The following SSBP3 variants were observed in gnomAD, a reference collection of about 807,000 sequenced individuals.
The protein encoded by SSBP3 is single stranded DNA binding protein 3, also known as single-stranded DNA-binding protein 3.
A neutral mutation model predicts 69.6 loss-of-function variants in SSBP3; 5 were observed. That is an observed-to-expected ratio of 0.07 (90% confidence interval 0.04 to 0.15). The LOEUF is 0.15. Among genes scored for constraint, SSBP3 ranks in the 10% least tolerant of loss-of-function variants. The pLI is 1.00. For missense variants in SSBP3, 312 were observed against 534.0 expected (o/e 0.58, Z 4.10); for synonymous variants, 196 against 193.4 (o/e 1.01, Z -0.11).
At chr1:54,274,526 C>G (rs567434667) in intron 5 of SSBP3, among the ~76,000 whole-genome samples, 3 of 152,170 alleles carry the variant, frequency 2.0e-5, no homozygotes, top group Non-Finnish European at 4.4e-5. Flanking sequence ...GGCTTCTCAC[C>G]GTCACACCTG....
intron 5 of SSBP3, among the ~76,000 whole-genome samples, chr1:54,277,130 C>A (rs1645302497): frequency 6.6e-6 from 1 of 152,218 alleles, no homozygotes; most frequent in Admixed American, 6.5e-5. Flanking sequence ...GTGACTTCAT[C>A]TCCCCATCTA....
chr1:54,310,471 G>A (rs1645981302), intron 4 of SSBP3, among the ~76,000 whole-genome samples: 1 of 152,160 alleles, frequency 6.6e-6, no homozygotes, highest in African/African-American at 2.4e-5. Flanking sequence ...CACCTTCCCA[G>A]GGGTTAATTT....
chr1:54,256,946 G>A (rs61517970), intron 7 of SSBP3, among the ~76,000 whole-genome samples, 181 bp downstream of exon 7: 3,192 of 152,196 alleles, frequency 0.021, 115 homozygotes, highest in African/African-American at 0.073. Context: ...GTGAACTGCC[G>A]CACCATGGGC....
intron 4 of SSBP3, among the ~76,000 whole-genome samples, chr1:54,330,265 C>G (rs1395329976): frequency 6.6e-6 from 1 of 152,126 alleles, no homozygotes; most frequent in Non-Finnish European, 1.5e-5. Flanking sequence ...AGGACCAGCC[C>G]AAAGGGCACT....
intron 4 of SSBP3, among the ~76,000 whole-genome samples, chr1:54,316,655 AAAAATAAAATAAAT>A (rs1471419306): frequency 7.6e-5 from 4 of 52,320 alleles, no homozygotes; most frequent in Non-Finnish European, 1.2e-4. Flanking sequence ...CTCAAAAAAA[AAAAATAAAATAAAT>A]AAATAAATAA....
intron 4 of SSBP3, among the ~76,000 whole-genome samples, chr1:54,375,911 T>C (rs147452768): frequency 1.3e-5 from 2 of 151,076 alleles, no homozygotes; most frequent in African/African-American, 2.4e-5. Context: ...CACAAGGTGG[T>C]GCTGACCAGG....
intron 4 of SSBP3, among the ~76,000 whole-genome samples, chr1:54,335,061 G>A (rs778395808): frequency 1.3e-5 from 2 of 152,208 alleles, no homozygotes; most frequent in Non-Finnish European, 2.9e-5. Context: ...GCCTAGAGGA[G>A]CCAGGCTCTC....
chr1:54,243,246 G>A (rs754941892), exon 10 of SSBP3: 51 of 1,601,862 alleles, frequency 3.2e-5, no homozygotes, highest in Non-Finnish European at 4.0e-5. Flanking sequence ...TGTTAATCCC[G>A]GGCATGGCGG....
Position 54,405,996 on chromosome 1 carries a change from CT to C in SSBP3, c.12del (p.Gly5AlafsTer16). 1 of 1,486,174 alleles carries C rather than the reference CT, an allele frequency of 6.7e-7. No homozygotes were observed. The highest frequency in any genetic ancestry group is 9.0e-7 in the Non-Finnish European group (1 of 1,113,346). 92.1% of individuals were successfully genotyped at this position (1,486,174 alleles called of 1,614,324 possible). On this transcript the variant is annotated frameshift_variant, in exon 1 of 18. Transcript: ENST00000610401. LOFTEE classifies it high-confidence loss of function. ...TCCGAGGGCACCGCCGAGCCTTTGC[CT>C]TTGGCAAACATGGTTTGCAGGGAAG...
chr1:54,384,785 CAG>C (rs889692132), intron 4 of SSBP3, among the ~76,000 whole-genome samples: 1 of 152,206 alleles, frequency 6.6e-6, no homozygotes, highest in African/African-American at 2.4e-5. Flanking sequence ...TTTCAAAACA[CAG>C]AAATATTCCG....
rs1253567754 is a variant in SSBP3, at chr1:54,402,085, A to G, written c.192-140T>C. On this transcript the variant is annotated intron_variant, in intron 3 of 17. Transcript: ENST00000610401. ...CCTTATCAGCTCTCATTGGGCAAACAGCCTAGAAAACAAAACACGTCCAAC... is the reference window on the plus strand; with the variant it reads ...CCTTATCAGCTCTCATTGGGCAAACGGCCTAGAAAACAAAACACGTCCAAC... The G allele has an allele frequency of 6.0e-6, 4 of 665,232 alleles. No homozygotes were observed. In the South Asian group the frequency reaches 8.8e-5, roughly 15 times the overall value. 41.2% of individuals were successfully genotyped at this position (665,232 alleles called of 1,614,324 possible).
chr1:54,263,503 G>A (rs1050683152), intron 5 of SSBP3, among the ~76,000 whole-genome samples: 4 of 152,210 alleles, frequency 2.6e-5, no homozygotes, highest in Admixed American at 6.5e-5. Flanking sequence ...AGCTGGCAGT[G>A]TGAGGCACAC....
chr1:54,326,598 G>A (rs966009974), intron 4 of SSBP3: 16 of 152,168 alleles, frequency 1.1e-4, no homozygotes, highest in African/African-American at 3.6e-4. Flanking sequence ...AAATGTTTGT[G>A]GCACACACAC....
At position 54,332,478 on chromosome 1, in the gene SSBP3, T is replaced by C. The variant is rs1032977191; in HGVS notation, c.277-50951A>G. ...AGGTCAAGCTGCCCATCTGGCTGCA[T>C]TGTTTCATCTGTAAATGAAAGGGCT... On this transcript the variant is annotated intron_variant, in intron 4 of 17. Transcript: ENST00000610401. 1.1e-3 allele frequency among the ~76,000 whole-genome samples: 167 copies of C among 152,284 alleles called. 1 individual carries two copies. The highest frequency in any genetic ancestry group is 3.7e-3 in the African/African-American group (154 of 41,554).
chr1:54,228,496 C>A lies in SSBP3; in HGVS notation c.1007-19G>T. 1 of 1,614,172 alleles carries A rather than the reference C, an allele frequency of 6.2e-7. No homozygotes were observed. The highest frequency in any genetic ancestry group is 8.5e-7 in the Non-Finnish European group (1 of 1,180,034). On this transcript the variant is annotated intron_variant, in intron 15 of 17. Coordinates refer to ENST00000610401, the Ensembl canonical transcript of SSBP3. ...CCTGACCCTGGAAAGAAAAAATAAT[C>A]CAATTCAGTTTCTTGCTTGCTCTTC...
intron 11 of SSBP3, among the ~76,000 whole-genome samples, 182 bp downstream of exon 11, chr1:54,241,982 C>G (rs1428175713): frequency 1.3e-5 from 2 of 152,112 alleles, no homozygotes; most frequent in African/African-American, 4.8e-5. Context: ...GGGTGGAGCC[C>G]TTGATGACCC....
chr1:54,229,486 A>G (rs1367867507), intron 14 of SSBP3, among the ~76,000 whole-genome samples: 2 of 152,176 alleles, frequency 1.3e-5, no homozygotes, highest in Non-Finnish European at 2.9e-5. Flanking sequence ...GAGGCACTGC[A>G]TGGCACCCTG....
At chr1:54,310,829 G>A (rs533095576) in intron 4 of SSBP3, among the ~76,000 whole-genome samples, 1 of 152,206 alleles carries the variant, frequency 6.6e-6, no homozygotes, top group South Asian at 2.1e-4. Flanking sequence ...CTGTGAGGAT[G>A]GGGGGAGAAC....
intron 14 of SSBP3, chr1:54,238,234 A>AC (rs1644534472): frequency 4.2e-6 from 2 of 470,940 alleles, no homozygotes; most frequent in Non-Finnish European, 4.4e-6. Flanking sequence ...TCCGGGTGTC[A>AC]CCTCAGGAAC....
Sources: allele counts gnomAD v4.1 joint callset (sites outside exome capture counted in the v4.1 genomes callset), GRCh38; gene constraint gnomAD v4.1.1; transcripts MANE v1.5; gene names NCBI Gene and HGNC (gene_info 2026-07-23, HGNC 2026-07-21).